Variants in FRK observed in about 807,000 individuals in gnomAD.
The protein encoded by FRK is fyn related Src family tyrosine kinase, also known as tyrosine-protein kinase FRK.
Under a neutral mutation model 56.4 loss-of-function variants are expected in FRK, and 51 were observed. The observed-to-expected ratio is 0.90, with a 90% CI of 0.72 to 1.14. The LOEUF (loss-of-function observed/expected upper bound fraction) is 1.14, where lower values mean the gene tolerates loss of function less well. FRK is among the 50% of genes most tolerant of loss of function. The probability of loss-of-function intolerance (pLI) is 0.00; values close to 1 mark genes in which losing one functional copy is unlikely to be tolerated. For missense variants in FRK, 570 were observed against 601.4 expected, an observed-to-expected ratio of 0.95 and a Z score of 0.55; for synonymous variants, 245 against 217.9, an observed-to-expected ratio of 1.12 and a Z score of -1.10.
intron 1 of FRK, among the ~76,000 whole-genome samples, chr6:116,004,960 G>C (rs910176283): frequency 6.6e-6 from 1 of 151,606 alleles, no homozygotes; most frequent in Non-Finnish European, 1.5e-5. Flanking sequence ...TCCAAGAGAA[G>C]AAATGCAGGC....
intron 3 of FRK, among the ~76,000 whole-genome samples, chr6:115,968,346 A>C (rs1056253584): frequency 6.6e-6 from 1 of 152,148 alleles, no homozygotes; most frequent in East Asian, 1.9e-4. Context: ...GTTATGGCAC[A>C]AAAGAATCCA....
At chr6:115,957,654 G>T (rs3777425) in intron 4 of FRK, among the ~76,000 whole-genome samples, 39,845 of 152,082 alleles carry the variant, frequency 0.26, 6,353 homozygotes, top group East Asian at 0.63. Flanking sequence ...TTAATGTGAA[G>T]TTGAGTTAGT....
At chr6:116,003,435 T>C (rs1316801903) in intron 2 of FRK, among the ~76,000 whole-genome samples, 6 of 152,220 alleles carry the variant, frequency 3.9e-5, no homozygotes, top group Non-Finnish European at 8.8e-5. Flanking sequence ...TTACATATTA[T>C]GGGGTTAATC....
At chr6:116,095,086 G>A in the FRK span, among the ~76,000 whole-genome samples, 1 of 152,236 alleles carries the variant, frequency 6.6e-6, no homozygotes, top group Non-Finnish European at 1.5e-5. Context: ...ACAACCCGTA[G>A]CCTTTCTATC....
At chr6:116,062,887 A>G (rs1375769353), upstream of FRK, among the ~76,000 whole-genome samples, 4 of 152,088 alleles carry the variant, frequency 2.6e-5, no homozygotes, top group African/African-American at 9.7e-5. Context: ...CATTTATTCC[A>G]CAAACTTTTT....
intron 1 of FRK, among the ~76,000 whole-genome samples, chr6:116,043,173 C>A (rs1483641286): frequency 6.6e-5 from 10 of 151,984 alleles, no homozygotes. Flanking sequence ...ATTAGACAGA[C>A]CAAAATGAGA....
intron 1 of FRK, among the ~76,000 whole-genome samples, chr6:116,053,271 A>G (rs958281607): frequency 6.6e-6 from 1 of 152,186 alleles, no homozygotes; most frequent in Non-Finnish European, 1.5e-5. Context: ...TATTGCCCAT[A>G]TAGGTTCTCA....
At chr6:116,025,107 A>G (rs1035411067) in intron 1 of FRK, among the ~76,000 whole-genome samples, 1 of 152,136 alleles carries the variant, frequency 6.6e-6, no homozygotes, top group Non-Finnish European at 1.5e-5. Flanking sequence ...TTTAAAGCAA[A>G]GAATAGAAAG....
chr6:115,994,155 G>A (rs1179837309), intron 2 of FRK, among the ~76,000 whole-genome samples: 2 of 151,988 alleles, frequency 1.3e-5, no homozygotes, highest in South Asian at 4.1e-4. Flanking sequence ...AGAGACTTTA[G>A]TATGCTTTGT....
chr6:115,997,505 T>G (rs1774886678), intron 2 of FRK, among the ~76,000 whole-genome samples: 1 of 151,974 alleles, frequency 6.6e-6, no homozygotes, highest in African/African-American at 2.4e-5. Flanking sequence ...ACCTCTGAGA[T>G]TATTTCCCTT....
the FRK span, among the ~76,000 whole-genome samples, chr6:116,077,089 T>G: frequency 6.6e-6 from 1 of 152,358 alleles, no homozygotes; most frequent in East Asian, 1.9e-4. Flanking sequence ...CTACCACATT[T>G]AGATTAATGA....
At chr6:116,004,750 T>A (rs7772826) in intron 1 of FRK, among the ~76,000 whole-genome samples, 110 of 152,302 alleles carry the variant, frequency 7.2e-4, no homozygotes, top group African/African-American at 2.6e-3. Context: ...CAACAAGGAA[T>A]TATGGATCAT....
chr6:115,967,953 C>G (rs1366842061), intron 3 of FRK, among the ~76,000 whole-genome samples: 1 of 152,114 alleles, frequency 6.6e-6, no homozygotes, highest in East Asian at 1.9e-4. Context: ...GTCTACCTGT[C>G]TGATCCCATA....
chr6:116,043,873 C>A (rs546844447), intron 1 of FRK, among the ~76,000 whole-genome samples: 1 of 151,946 alleles, frequency 6.6e-6, no homozygotes, highest in Non-Finnish European at 1.5e-5. Flanking sequence ...AGAGAAGAAT[C>A]AATTAGACAT....
chr6:115,953,885 A>C (rs1279202943), intron 5 of FRK, among the ~76,000 whole-genome samples: 1 of 152,234 alleles, frequency 6.6e-6, no homozygotes, highest in Non-Finnish European at 1.5e-5. Flanking sequence ...AAACAAAGAA[A>C]ACACTATCTG....
At chr6:116,063,871 C>T (rs1777703748), upstream of FRK, among the ~76,000 whole-genome samples, 1 of 151,980 alleles carries the variant, frequency 6.6e-6, no homozygotes, top group South Asian at 2.1e-4. Flanking sequence ...GAAACTGAGG[C>T]TGAAAGGCTA....
the FRK span, among the ~76,000 whole-genome samples, chr6:116,072,393 CAA>C: frequency 6.6e-6 from 1 of 152,048 alleles, no homozygotes; most frequent in South Asian, 2.1e-4. Flanking sequence ...TATTGCTGTT[CAA>C]AGATATTTCC....
the FRK span, among the ~76,000 whole-genome samples, chr6:116,083,918 C>A: frequency 6.6e-6 from 1 of 151,764 alleles, no homozygotes; most frequent in African/African-American, 2.4e-5. Flanking sequence ...ACCTTGGCCT[C>A]CCAAAGCACT....
intron 5 of FRK, among the ~76,000 whole-genome samples, chr6:115,949,082 G>A (rs1772591967): frequency 6.6e-6 from 1 of 152,102 alleles, no homozygotes; most frequent in Non-Finnish European, 1.5e-5. Flanking sequence ...TTGGCTCTCT[G>A]TTTTTCTATT....
Sources: gnomAD v4.1 joint callset for allele counts (sites outside exome capture counted in the v4.1 genomes callset) on GRCh38, gnomAD v4.1.1 for gene constraint, MANE v1.5 for transcripts, NCBI Gene and HGNC (gene_info 2026-07-23, HGNC 2026-07-21) for gene names.